Variants in TAFA1 observed in about 807,000 individuals in gnomAD.
TAFA1 encodes the protein chemokine-like protein TAFA-1.
A neutral mutation model predicts 18.5 loss-of-function variants in TAFA1; 4 were observed. The ratio of observed to expected loss-of-function variants is 0.22; its 90% CI spans 0.11 to 0.49. The LOEUF (loss-of-function observed/expected upper bound fraction) is 0.49, where lower values mean the gene tolerates loss of function less well. Among genes scored for constraint, TAFA1 ranks in the 20% least tolerant of loss-of-function variants. The pLI, the probability that TAFA1 is intolerant of heterozygous loss-of-function variation, is 0.98. For missense variants in TAFA1, 147 were observed against 169.0 expected, an observed-to-expected ratio of 0.87 and a Z score of 0.72; for synonymous variants, 56 against 55.2, an observed-to-expected ratio of 1.01 and a Z score of -0.06.
At chr3:68,318,071 T>A (rs1232759450) in intron 2 of TAFA1, among the ~76,000 whole-genome samples, 1 of 152,186 alleles carries the variant, frequency 6.6e-6, no homozygotes, top group African/African-American at 2.4e-5. Flanking sequence ...AATTCTATAA[T>A]TTTAATAGAA....
chr3:68,539,435 G>T (rs2073331857), intron 4 of TAFA1, among the ~76,000 whole-genome samples: 1 of 151,876 alleles, frequency 6.6e-6, no homozygotes, highest in African/African-American at 2.4e-5. Flanking sequence ...CATCAAAATT[G>T]GCACCCTTAT....
At chr3:68,325,227 A>T (rs2068757340) in intron 2 of TAFA1, among the ~76,000 whole-genome samples, 1 of 152,210 alleles carries the variant, frequency 6.6e-6, no homozygotes, top group Non-Finnish European at 1.5e-5. Context: ...CCAAGGCATC[A>T]GTGTCACCAT....
rs567319976 is a variant in TAFA1 at position 68,267,765 on chromosome 3, T to C, written c.119-149515T>C. Among the ~76,000 whole-genome samples the C allele has an allele frequency of 2.0e-5, 3 of 152,296 alleles. No homozygotes were observed. The South Asian group carries it at 6.2e-4, about 32-fold the overall frequency. ...ACTTTTCAAGTCTTATATGACTCTA[T>C]GCATGTTGTAACTTTTCAGTTCTTC... On this transcript the variant is annotated intron_variant, in intron 2 of 4. Coordinates refer to ENST00000478136, the MANE Select transcript of TAFA1 (RefSeq NM_213609.4).
chr3:68,445,422 C>T (rs940182882), intron 3 of TAFA1, among the ~76,000 whole-genome samples: 1 of 151,966 alleles, frequency 6.6e-6, no homozygotes, highest in Non-Finnish European at 1.5e-5. Context: ...TTTAATTAGT[C>T]GACAAATGAA....
chr3:68,209,436 G>A (rs975048439), intron 2 of TAFA1, among the ~76,000 whole-genome samples: 7 of 152,040 alleles, frequency 4.6e-5, no homozygotes, highest in African/African-American at 9.7e-5. Flanking sequence ...AATGGATAAT[G>A]TGGCTCTATA....
intron 2 of TAFA1, among the ~76,000 whole-genome samples, chr3:68,278,164 C>G (rs942620578): frequency 3.3e-5 from 5 of 152,222 alleles, no homozygotes; most frequent in East Asian, 1.9e-4. Context: ...GTCTCACCAA[C>G]AGTAGCTGTG....
At chr3:68,022,058 T>C (rs1428866964) in intron 2 of TAFA1, among the ~76,000 whole-genome samples, 1 of 152,208 alleles carries the variant, frequency 6.6e-6, no homozygotes, top group Non-Finnish European at 1.5e-5. Flanking sequence ...TTATTAATTA[T>C]AATCTTTTCA....
At chr3:68,439,412 CATAT>C (rs57059146) in intron 3 of TAFA1, among the ~76,000 whole-genome samples, 18,963 of 73,352 alleles carry the variant, frequency 0.26, 2,638 homozygotes, top group South Asian at 0.34. Flanking sequence ...TATATACATA[CATAT>C]ATATATATAT....
intron 3 of TAFA1, among the ~76,000 whole-genome samples, chr3:68,424,795 A>G (rs1042879345): frequency 6.6e-6 from 1 of 152,032 alleles, no homozygotes; most frequent in Non-Finnish European, 1.5e-5. Flanking sequence ...TTCTGTAGAC[A>G]AGTAGCTTAT....
chr3:68,086,610 T>C (rs1216290833), intron 2 of TAFA1, among the ~76,000 whole-genome samples: 2 of 152,226 alleles, frequency 1.3e-5, no homozygotes, highest in Middle Eastern at 3.2e-3. Context: ...TACTGGGATA[T>C]TTTAAAAGTA....
intron 2 of TAFA1, among the ~76,000 whole-genome samples, chr3:68,226,919 C>T (rs547561756): frequency 6.6e-6 from 1 of 152,248 alleles, no homozygotes; most frequent in Admixed American, 6.5e-5. Flanking sequence ...CAGCAATGAG[C>T]GCCACCAGGA....
chr3:68,366,639 G>C (rs1162797633), intron 2 of TAFA1, among the ~76,000 whole-genome samples: 3 of 152,130 alleles, frequency 2.0e-5, no homozygotes, highest in Non-Finnish European at 4.4e-5. Flanking sequence ...CAAAACAGAG[G>C]TTTCAAGACC....
At chr3:68,249,325 T>C (rs781019401) in intron 2 of TAFA1, among the ~76,000 whole-genome samples, 76 of 152,166 alleles carry the variant, frequency 5.0e-4, no homozygotes, top group Non-Finnish European at 8.5e-4. Context: ...AAGATCACTT[T>C]GGGAATTCCA....
chr3:68,065,873 G>T (rs1025229540), intron 2 of TAFA1, among the ~76,000 whole-genome samples: 43 of 151,934 alleles, frequency 2.8e-4, no homozygotes, highest in South Asian at 1.0e-3. Context: ...GGTAGATAGA[G>T]AAATAAATTG....
intron 2 of TAFA1, among the ~76,000 whole-genome samples, chr3:68,277,785 G>A (rs759059010): frequency 6.6e-5 from 10 of 152,098 alleles, no homozygotes; most frequent in Non-Finnish European, 1.3e-4. Flanking sequence ...ACGCACAAAA[G>A]CATTGAGGTC....
intron 3 of TAFA1, among the ~76,000 whole-genome samples, chr3:68,526,095 C>T (rs1268261621): frequency 6.6e-6 from 1 of 152,140 alleles, no homozygotes; most frequent in African/African-American, 2.4e-5. Flanking sequence ...ACACTTCTCT[C>T]CTAGTTGGTA....
intron 2 of TAFA1, among the ~76,000 whole-genome samples, chr3:68,364,901 G>T (rs907274976): frequency 1.3e-5 from 2 of 152,088 alleles, no homozygotes; most frequent in Non-Finnish European, 2.9e-5. Flanking sequence ...CCTTATCAAA[G>T]GTCACACAGT....
intron 2 of TAFA1, among the ~76,000 whole-genome samples, chr3:68,125,774 C>A (rs773559485): frequency 4.2e-4 from 64 of 152,136 alleles, no homozygotes; most frequent in African/African-American, 1.5e-3. Context: ...ACATATAGTG[C>A]CTGCCTCGGG....
At chr3:68,451,691 A>C (rs1430011474) in intron 3 of TAFA1, among the ~76,000 whole-genome samples, 1 of 152,238 alleles carries the variant, frequency 6.6e-6, no homozygotes, top group East Asian at 1.9e-4. Flanking sequence ...ATGAGAAGAC[A>C]CTGGACAGAA....
Sources: allele counts gnomAD v4.1 joint callset (sites outside exome capture counted in the v4.1 genomes callset), GRCh38; gene constraint gnomAD v4.1.1; transcripts MANE v1.5; gene names NCBI Gene and HGNC (gene_info 2026-07-23, HGNC 2026-07-21).